The following MADD variants were observed in gnomAD, a reference collection of about 807,000 sequenced individuals.
MADD encodes MAP kinase activating death domain, also known as MAP kinase-activating death domain protein.
In MADD, 109 loss-of-function variants were observed where a neutral mutation model predicts 176.7. That is an observed-to-expected ratio of 0.62 (90% confidence interval 0.53 to 0.72). The LOEUF (loss-of-function observed/expected upper bound fraction) is 0.72. MADD is among the 30% of genes least tolerant of loss of function. The probability of loss-of-function intolerance (pLI) is 0.00; values close to 1 mark genes in which losing one functional copy is unlikely to be tolerated. For synonymous variants in MADD, 771 were observed against 771.3 expected, an observed-to-expected ratio of 1.00 and a Z score of 0.01; for missense variants, 1,914 against 2,045.5, an observed-to-expected ratio of 0.94 and a Z score of 1.24.
At position 47,285,197 on chromosome 11, in the gene MADD, G is replaced by A. The variant is rs1455919826; in HGVS notation, c.2411+3G>A. 1 of 1,613,136 alleles carries A rather than the reference G, an allele frequency of 6.2e-7. No homozygotes were observed. The highest frequency in any genetic ancestry group is 1.1e-5 in the South Asian group (1 of 91,050). Reference sequence around the variant, plus strand: ...AGCCAACATGTCAGTGGCAATCGGTGAGAGCCTGGGCATCCCTTCTAGATG... The same window carrying A: ...AGCCAACATGTCAGTGGCAATCGGTAAGAGCCTGGGCATCCCTTCTAGATG... On this transcript the variant is annotated splice_donor_region_variant and intron_variant, in intron 13 of 32. Transcript: ENST00000402192.
intron 22 of MADD, among the ~76,000 whole-genome samples, chr11:47,301,452 G>T (rs2077716710): frequency 6.6e-6 from 1 of 152,048 alleles, no homozygotes; most frequent in South Asian, 2.1e-4. Context: ...TTTCTGCTCT[G>T]ATCTTGATTA....
At chr11:47,303,895 A>C (rs1344074772) in intron 22 of MADD, among the ~76,000 whole-genome samples, 2 of 152,152 alleles carry the variant, frequency 1.3e-5, no homozygotes, top group African/African-American at 4.8e-5. Context: ...GGCGTGAGCC[A>C]CCGCATCTGG....
intron 22 of MADD, among the ~76,000 whole-genome samples, chr11:47,298,458 C>T (rs1458616118): frequency 6.6e-6 from 1 of 152,198 alleles, no homozygotes; most frequent in Non-Finnish European, 1.5e-5. Flanking sequence ...TTCCAAAACA[C>T]CTGTTAGCCA....
At chr11:47,281,634 G>A (rs2056829041) in exon 8 of MADD, 1 of 1,612,662 alleles carries the variant, frequency 6.2e-7, no homozygotes, top group Admixed American at 1.7e-5. Context: ...AATTTCATGA[G>A]GGCCAGGAGA....
chr11:47,305,555 G>T (rs2081957713), intron 22 of MADD, among the ~76,000 whole-genome samples: 1 of 152,092 alleles, frequency 6.6e-6, no homozygotes, highest in African/African-American at 2.4e-5. Flanking sequence ...GGCAGCTCAG[G>T]TCCCACGGAA....
chr11:47,311,867 G>A (rs140646695), intron 26 of MADD, 25 bp downstream of exon 29: 1 of 1,476,704 alleles, frequency 6.8e-7, no homozygotes, highest in Non-Finnish European at 9.5e-7. Flanking sequence ...CCACCCCTTA[G>A]GCTTCCCCAT....
rs768352177 is a variant in MADD at position 47,289,909 on chromosome 11, G to A, written c.2799G>A (p.Leu933=). 8.1e-6 allele frequency: 13 copies of A among 1,613,998 alleles called. No homozygotes were observed. The Admixed American group carries it at 8.3e-5, about 10-fold the overall frequency. Residue 933 remains leucine (L), a synonymous_variant, in exon 17 of 33, where the codon CTG becomes CTA. Transcript: ENST00000402192. ...TGAAGGAGGTGGTGCACAGCGTGCT[G>A]GACGGCCAGGGAGTTGGCTGGCTCA...
chr11:47,307,018 C>T (rs1565480481), intron 22 of MADD, among the ~76,000 whole-genome samples: 1 of 152,054 alleles, frequency 6.6e-6, no homozygotes, highest in Non-Finnish European at 1.5e-5. Context: ...CCACCCACCT[C>T]AGCCTCCCAA....
chr11:47,329,048 C>T (rs199564554), exon 33 of MADD: 1 of 1,612,974 alleles, frequency 6.2e-7, no homozygotes, highest in African/African-American at 1.3e-5. Context: ...TCCTCTAGGC[C>T]CACGAAATCT....
intron 27 of MADD, among the ~76,000 whole-genome samples, chr11:47,315,914 C>T (rs1267263633): frequency 7.9e-5 from 12 of 151,562 alleles, no homozygotes; most frequent in African/African-American, 2.9e-4. Flanking sequence ...TCACTGCAGC[C>T]TCCACCTCCC....
At chr11:47,323,554 G>A (rs188791550) in intron 27 of MADD, 117 bp from the exon 31 acceptor site, 30 of 1,005,980 alleles carry the variant, frequency 3.0e-5, no homozygotes, top group Admixed American at 1.4e-4. Flanking sequence ...AACCATGAGC[G>A]TAAGGCAGAA....
chr11:47,312,520 G>C (rs974178210), intron 26 of MADD, among the ~76,000 whole-genome samples: 5 of 152,174 alleles, frequency 3.3e-5, no homozygotes, highest in African/African-American at 1.2e-4. Context: ...TCTGCCTCCC[G>C]AGTTCAAGCA....
chr11:47,285,105 G>T (rs2059675700), exon 13 of MADD: 3 of 1,613,994 alleles, frequency 1.9e-6, no homozygotes, highest in Non-Finnish European at 2.5e-6. Context: ...CATACTTCGA[G>T]CCCCAATATG....
At chr11:47,279,596 G>A (rs1172871102) in intron 7 of MADD, among the ~76,000 whole-genome samples, 1 of 151,626 alleles carries the variant, frequency 6.6e-6, no homozygotes, top group Admixed American at 6.6e-5. Flanking sequence ...AGCCAGGATG[G>A]CCTCTATCTC....
rs757452655 is a variant in MADD, at chr11:47,282,806, G to C, written c.1706-7G>C. The stretch of plus-strand genomic sequence containing the variant: ...CTGACTTTCTGTTCTTTTCCCTCAT[G>C]GGGTAGATATGTTTGATCCAGCCCT... On this transcript the variant is annotated splice_region_variant and splice_polypyrimidine_tract_variant and intron_variant, in intron 9 of 32. Transcript: ENST00000402192. The C allele has an allele frequency of 2.5e-6, 4 of 1,610,842 alleles. No homozygotes were observed. In the Admixed American group the frequency reaches 5.0e-5, roughly 20 times the overall value.
At chr11:47,324,494 C>T (rs865813787) in exon 30 of MADD, 1 of 1,614,038 alleles carries the variant, frequency 6.2e-7, no homozygotes, top group Non-Finnish European at 8.5e-7. Context: ...TGGCGAGTTC[C>T]CTGTGCAGGA....
At chr11:47,323,252 A>G (rs980717736) in intron 27 of MADD, among the ~76,000 whole-genome samples, 17 of 151,828 alleles carry the variant, frequency 1.1e-4, no homozygotes, top group Admixed American at 3.3e-4. Context: ...AAAAAAAAAA[A>G]AAATTATAGC....
At chr11:47,286,385 G>T in intron 14 of MADD, 48 bp from the exon 15 acceptor site, 1 of 1,249,436 alleles carries the variant, frequency 8.0e-7, no homozygotes, top group South Asian at 1.2e-5. Context: ...CTACTGCTTT[G>T]ATTACTTACT....
At chr11:47,319,132 A>ATTT (rs1184555759) in intron 27 of MADD, among the ~76,000 whole-genome samples, 1 of 114,544 alleles carries the variant, frequency 8.7e-6, no homozygotes, top group Admixed American at 9.3e-5. Context: ...TATATATATA[A>ATTT]TTTTTTTTTT....
Sources: allele counts gnomAD v4.1 joint callset (sites outside exome capture counted in the v4.1 genomes callset), GRCh38; gene constraint gnomAD v4.1.1; transcripts MANE v1.5; gene names NCBI Gene and HGNC (gene_info 2026-07-23, HGNC 2026-07-21).